Variants in SCOC observed in about 807,000 individuals in gnomAD.
SCOC encodes the protein short coiled-coil protein, also known as short coiled coil protein.
A neutral mutation model predicts 9.9 loss-of-function variants in SCOC; 7 were observed. The ratio of observed to expected loss-of-function variants is 0.71; its 90% CI spans 0.40 to 1.33. The LOEUF is 1.33. Ranked by LOEUF, SCOC falls within the 40% of genes most tolerant of loss-of-function variation. The pLI is 0.01. For missense variants in SCOC, 66 were observed against 89.7 expected (o/e 0.74, Z 1.07); for synonymous variants, 19 against 28.2 (o/e 0.67, Z 1.03).
At chr4:140,362,305 T>TCTTCTTCTTCTTC (rs1357436782) in intron 2 of SCOC, among the ~76,000 whole-genome samples, 3 of 9,234 alleles carry the variant, frequency 3.2e-4, no homozygotes, top group African/African-American at 6.5e-4. Context: ...TCTTCTTTTT[T>TCTTCTTCTTCTTC]TTTTTTTTTT....
intron 1 of SCOC, among the ~76,000 whole-genome samples, chr4:140,375,541 T>C (rs1435363352): frequency 1.6e-5 from 2 of 124,330 alleles, no homozygotes; most frequent in Non-Finnish European, 3.6e-5. Context: ...GAGAGTGATA[T>C]TGTGGATATT....
intron 2 of SCOC, among the ~76,000 whole-genome samples, chr4:140,355,046 G>A (rs1727149213): frequency 6.6e-6 from 1 of 151,748 alleles, no homozygotes; most frequent in African/African-American, 2.4e-5. Context: ...GTGTGTCTGT[G>A]AGGATGTTGC....
chr4:140,341,028 C>T (rs1485122009), upstream of SCOC, among the ~76,000 whole-genome samples: 1 of 151,724 alleles, frequency 6.6e-6, no homozygotes, highest in East Asian at 1.9e-4. Context: ...GAACTCCTGA[C>T]CTTGTGATCC....
At chr4:140,335,202 T>C (rs1452631313) in intron 1 of SCOC, among the ~76,000 whole-genome samples, 1 of 152,240 alleles carries the variant, frequency 6.6e-6, no homozygotes, top group African/African-American at 2.4e-5. Flanking sequence ...CTATGTGTTA[T>C]AGAAGCCGCC....
intron 1 of SCOC, among the ~76,000 whole-genome samples, chr4:140,283,262 TA>T (rs1428365657): frequency 6.6e-6 from 1 of 152,176 alleles, no homozygotes; most frequent in Non-Finnish European, 1.5e-5. Flanking sequence ...AGCAGACCAA[TA>T]AACCCTAAAG....
intron 2 of SCOC, among the ~76,000 whole-genome samples, chr4:140,359,245 G>A (rs1268033471): frequency 6.6e-6 from 1 of 152,188 alleles, no homozygotes; most frequent in Non-Finnish European, 1.5e-5. Context: ...TAGACAGGCT[G>A]TGTATCCAAG....
intron 1 of SCOC, among the ~76,000 whole-genome samples, chr4:140,260,171 G>C (rs1287208030): frequency 6.6e-6 from 1 of 152,206 alleles, no homozygotes; most frequent in African/African-American, 2.4e-5. Context: ...TATGTCCTGT[G>C]TGGTGAACTC....
intron 1 of SCOC, among the ~76,000 whole-genome samples, chr4:140,333,231 G>A (rs1334925877): frequency 6.6e-6 from 1 of 151,930 alleles, no homozygotes; most frequent in African/African-American, 2.4e-5. Context: ...TCCTGACACC[G>A]TATATAAAAT....
intron 2 of SCOC, among the ~76,000 whole-genome samples, chr4:140,344,245 A>G (rs969742077): frequency 6.6e-6 from 1 of 152,172 alleles, no homozygotes; most frequent in Non-Finnish European, 1.5e-5. Context: ...ACATCTTGGA[A>G]AAAATAGACA....
At chr4:140,306,525 G>A (rs1416851007) in intron 1 of SCOC, among the ~76,000 whole-genome samples, 1 of 152,160 alleles carries the variant, frequency 6.6e-6, no homozygotes, top group Admixed American at 6.5e-5. Flanking sequence ...AGGAGATGTA[G>A]AGGCAAAGAT....
At chr4:140,366,405 C>T (rs971158424) in intron 2 of SCOC, 9 of 1,307,200 alleles carry the variant, frequency 6.9e-6, no homozygotes, top group Non-Finnish European at 9.6e-6. Context: ...ACTTTAGCAG[C>T]AGCTGCAGCA....
upstream of SCOC, among the ~76,000 whole-genome samples, chr4:140,341,382 A>G (rs1726506193): frequency 6.6e-6 from 1 of 152,220 alleles, no homozygotes; most frequent in African/African-American, 2.4e-5. Flanking sequence ...CCCTACAGCC[A>G]GAGGGCAAGA....
At chr4:140,369,064 TAA>T (rs1727930130), upstream of SCOC, among the ~76,000 whole-genome samples, 1 of 152,200 alleles carries the variant, frequency 6.6e-6, no homozygotes, top group Non-Finnish European at 1.5e-5. Flanking sequence ...GAAAAAACTC[TAA>T]AAGTACATTG....
At position 140,351,843 on chromosome 4, in the gene SCOC, CT is replaced by C. The variant is rs571968383; in HGVS notation, c.70+8137del. ...AATATGGGCTAAAGAAGGAAATAGACTTGTGGCTCCCCAGCTGAGAGAACAC... is the reference window on the plus strand; with the variant it reads ...AATATGGGCTAAAGAAGGAAATAGACTGTGGCTCCCCAGCTGAGAGAACAC... On this transcript the variant is annotated intron_variant, in intron 2 of 4. Coordinates refer to the SCOC transcript ENST00000338517. 4.1e-3 allele frequency among the ~76,000 whole-genome samples: 617 copies of C among 152,224 alleles called. 3 individuals carry two copies. The highest frequency in any genetic ancestry group is 7.3e-3 in the Admixed American group (111 of 15,286).
chr4:140,339,571 C>A (rs976227467), upstream of SCOC, among the ~76,000 whole-genome samples: 5 of 152,116 alleles, frequency 3.3e-5, no homozygotes, highest in African/African-American at 1.2e-4. Flanking sequence ...GGCTAATATC[C>A]AGAATCTACA....
At chr4:140,257,918 G>T (rs1730545892) in intron 1 of SCOC, among the ~76,000 whole-genome samples, 1 of 152,210 alleles carries the variant, frequency 6.6e-6, no homozygotes, top group Admixed American at 6.5e-5. Context: ...ATCAGTCTCT[G>T]CCTCTTGGGC....
intron 1 of SCOC, among the ~76,000 whole-genome samples, chr4:140,264,676 CTT>C (rs2126392245): frequency 6.6e-6 from 1 of 152,276 alleles, no homozygotes; most frequent in African/African-American, 2.4e-5. Flanking sequence ...TCCCACATGA[CTT>C]TTGAGTGTTC....
At position 140,329,426 on chromosome 4, in the gene SCOC, C is replaced by T. The variant is rs1003319526; in HGVS notation, c.-18-14195C>T. ...ATGACCAAGAACCCAAAAGCAAATG[C>T]AACAAAAACAAAAACAAATAGATGG... On this transcript the variant is annotated intron_variant, in intron 1 of 4. Coordinates refer to the SCOC transcript ENST00000394205. Among the ~76,000 whole-genome samples, 8 of 152,052 alleles carry T rather than the reference C, an allele frequency of 5.3e-5. 1 individual carries two copies. The highest frequency in any genetic ancestry group is 2.0e-4 in the Admixed American group (3 of 15,252).
At chr4:140,374,985 A>G (rs145519122) in intron 1 of SCOC, among the ~76,000 whole-genome samples, 1 of 152,358 alleles carries the variant, frequency 6.6e-6, no homozygotes, top group East Asian at 1.9e-4. Context: ...GTTCTCCAGT[A>G]TGACAGATGG....
Sources: allele counts gnomAD v4.1 joint callset (sites outside exome capture counted in the v4.1 genomes callset), GRCh38; gene constraint gnomAD v4.1.1; transcripts MANE v1.5; gene names NCBI Gene and HGNC (gene_info 2026-07-23, HGNC 2026-07-21).